Variants in GTF3C1 observed in about 807,000 individuals in gnomAD.
The protein encoded by GTF3C1 is general transcription factor 3C polypeptide 1.
GTF3C1 carries 57 observed loss-of-function variants against 226.7 expected under a neutral mutation model. The ratio of observed to expected loss-of-function variants is 0.25; its 90% CI spans 0.20 to 0.31. The LOEUF is 0.31. Among genes scored for constraint, GTF3C1 ranks in the 10% least tolerant of loss-of-function variants. The pLI, the probability that GTF3C1 is intolerant of heterozygous loss-of-function variation, is 1.00. For missense variants in GTF3C1, 2,217 were observed against 2,776.1 expected, an observed-to-expected ratio of 0.80 and a Z score of 4.53; for synonymous variants, 1,090 against 1,084.8, an observed-to-expected ratio of 1.00 and a Z score of -0.09.
intron 1 of GTF3C1, among the ~76,000 whole-genome samples, chr16:27,546,966 G>A (rs144611448): frequency 2.7e-4 from 41 of 151,710 alleles, no homozygotes; most frequent in African/African-American, 7.7e-4. Context: ...AGGGTTTCAC[G>A]ATGTTGGCCA....
intron 27 of GTF3C1, 104 bp from the exon 28 acceptor site, chr16:27,478,635 T>C: frequency 1.2e-6 from 1 of 821,084 alleles, no homozygotes; most frequent in African/African-American, 1.7e-5. Flanking sequence ...GTGTTGGGAG[T>C]GGGAGAAATG....
rs200654354 is a variant in GTF3C1 at position 27,464,783 on chromosome 16, C to T, written c.5409G>A (p.Leu1803=). Residue 1803 remains leucine, a synonymous_variant, in exon 34 of 37, where the codon CTG becomes CTA. Transcript: ENST00000356183. ...VLEVGGNTAR[L]VAMGSAWPWL... ...AAGGCCAGGCAGAGCCCATGGCTAC[C>T]AGGCGCGCAGTGTTGCCACCGACCT... is the stretch of plus-strand genomic sequence containing the variant. 21 of 1,543,946 alleles carry T rather than the reference C, an allele frequency of 1.4e-5. No homozygotes were observed. In the East Asian group the frequency reaches 3.8e-4, roughly 28 times the overall value.
At chr16:27,532,542 C>T (rs969393769) in intron 5 of GTF3C1, among the ~76,000 whole-genome samples, 13 of 152,170 alleles carry the variant, frequency 8.5e-5, no homozygotes, top group African/African-American at 2.2e-4. Context: ...AGCTCCCCTC[C>T]GCCTTTCTCC....
intron 12 of GTF3C1, among the ~76,000 whole-genome samples, chr16:27,500,835 C>T (rs949070802): frequency 6.6e-6 from 1 of 152,208 alleles, no homozygotes; most frequent in East Asian, 1.9e-4. Context: ...CTCAGCTCTC[C>T]GAGGAAAGCA....
intron 6 of GTF3C1, 43 bp downstream of exon 6, chr16:27,528,555 G>C (rs1167131106): frequency 2.6e-6 from 4 of 1,544,588 alleles, no homozygotes; most frequent in African/African-American, 2.7e-5. Flanking sequence ...ACAGAAGTGA[G>C]AGCCAGCCAG....
At chr16:27,497,582 T>G (rs1018315340) in intron 14 of GTF3C1, 55 bp downstream of exon 14, 1 of 1,443,748 alleles carries the variant, frequency 6.9e-7, no homozygotes, top group African/African-American at 1.4e-5. Flanking sequence ...TCAAACATTG[T>G]CATACAAACA....
intron 6 of GTF3C1, among the ~76,000 whole-genome samples, chr16:27,526,656 C>A (rs541360555): frequency 6.6e-6 from 1 of 152,240 alleles, no homozygotes; most frequent in Admixed American, 6.5e-5. Flanking sequence ...GTCAGTCAGT[C>A]GCCATTTGCC....
At chr16:27,549,631 G>GCCCCCCC in intron 1 of GTF3C1, 39 bp downstream of exon 1, 1 of 691,948 alleles carries the variant, frequency 1.4e-6, no homozygotes, top group South Asian at 1.7e-5. Flanking sequence ...CGGGCCCTGC[G>GCCCCCCC]CCCGCCCGCC....
intron 6 of GTF3C1, among the ~76,000 whole-genome samples, chr16:27,527,921 C>G: frequency 6.6e-6 from 1 of 151,316 alleles, no homozygotes; most frequent in Non-Finnish European, 1.5e-5. Context: ...TTTCAGTGAG[C>G]TGAGATGATG....
intron 3 of GTF3C1, 71 bp from the exon 4 acceptor site, chr16:27,537,998 G>A: frequency 5.3e-6 from 8 of 1,508,480 alleles, no homozygotes; most frequent in Non-Finnish European, 6.3e-6. Flanking sequence ...CTCTCACTTG[G>A]ACATAAACAC....
At chr16:27,510,916 T>C (rs373948278) in intron 7 of GTF3C1, among the ~76,000 whole-genome samples, 1 of 152,254 alleles carries the variant, frequency 6.6e-6, no homozygotes, top group Non-Finnish European at 1.5e-5. Flanking sequence ...CTTTGAATAA[T>C]AATAGTAATA....
chr16:27,521,981 T>C (rs1038732486), intron 6 of GTF3C1, among the ~76,000 whole-genome samples: 12 of 152,368 alleles, frequency 7.9e-5, no homozygotes, highest in Admixed American at 6.5e-4. Flanking sequence ...ATTTCTTTTC[T>C]CTTAGCTTGT....
chr16:27,529,207 G>A (rs567447929), intron 5 of GTF3C1, among the ~76,000 whole-genome samples: 2 of 152,282 alleles, frequency 1.3e-5, no homozygotes, highest in Admixed American at 6.5e-5. Context: ...ACTTTGGGAG[G>A]CCGAGGCGGG....
rs769617537 is a variant in GTF3C1, at chr16:27,464,587, C to T, written c.5605G>A (p.Glu1869Lys). Residue 1869 changes from glutamate to lysine, a missense_variant, in exon 34 of 37, where the codon GAG (glutamate) becomes AAG (lysine). This residue lies in a region of GTF3C1 where 455 missense variants were observed against 441.9 expected (regional missense o/e 1.03). Coordinates refer to ENST00000356183, the MANE Select transcript of GTF3C1 (RefSeq NM_001520.4). ...CCCTCGGCGTCGGTCTCCCCATTCT[C>T]ACTGGCCCAGCTGGCGCGCCTCTTG... ...GTKRRASWAS[E>K]NGETDAEGTQ... The T allele has an allele frequency of 6.7e-7, 1 of 1,492,718 alleles. No homozygotes were observed. The highest frequency in any genetic ancestry group is 8.9e-7 in the Non-Finnish European group (1 of 1,120,672). The allele number at this position is 1,492,718 out of a possible 1,614,324, so 92.5% of individuals were successfully genotyped here.
intron 1 of GTF3C1, among the ~76,000 whole-genome samples, chr16:27,547,729 T>C (rs2089185738): frequency 6.6e-6 from 1 of 152,082 alleles, no homozygotes; most frequent in South Asian, 2.1e-4. Context: ...AGTGGCACAA[T>C]CTCGGCTCAC....
Position 27,492,359 on chromosome 16 carries a change from C to T in GTF3C1, c.3130G>A (p.Val1044Ile), listed in dbSNP as rs779446883. ...VENYWFDLQC[V>I]CLNTPLGVVR... ...CCACCTAGTGGGGTGTTGAGGCAGA[C>T]GCACTGCAGGTCAAACCAGTAGTTT... The change falls in exon 19 of 37, where the codon GTC becomes ATC. Residue 1044 changes from valine (V) to isoleucine (I), a missense_variant. Val to Ile is a conservative substitution (Grantham distance 29). This residue lies in a region of GTF3C1 where 353 missense variants were observed against 411.7 expected (regional missense o/e 0.86). Transcript: ENST00000356183. The surrounding 1 kb of genome is among the most constrained non-coding windows in gnomAD (Gnocchi z 5.0). 15 of 1,603,070 alleles carry T rather than the reference C, an allele frequency of 9.4e-6. No individual in the cohort carries two copies. Among genetic ancestry groups the T allele is most frequent in the East Asian group, 4.5e-5 (2 of 44,776 alleles).
chr16:27,501,528 G>C (rs956406721), intron 11 of GTF3C1, among the ~76,000 whole-genome samples, 184 bp from the exon 12 acceptor site: 9 of 152,182 alleles, frequency 5.9e-5, no homozygotes, highest in Non-Finnish European at 1.0e-4. Flanking sequence ...TGTGGCAAAT[G>C]TATCAGGTAA....
At chr16:27,518,133 A>G (rs1028480944) in intron 6 of GTF3C1, among the ~76,000 whole-genome samples, 1 of 152,156 alleles carries the variant, frequency 6.6e-6, no homozygotes, top group Admixed American at 6.5e-5. Flanking sequence ...TCCTACTGGT[A>G]AGCCAGGCAG....
chr16:27,501,229 A>G lies in GTF3C1; in HGVS notation c.2023T>C (p.Tyr675His). 1 of 1,614,134 alleles carries G rather than the reference A, an allele frequency of 6.2e-7. No homozygotes were observed. The change falls in exon 12 of 37, where the codon TAT becomes CAT. Residue 675 changes from tyrosine (Y) to histidine (H), a missense_variant. Physicochemically the swap from Tyr to His is moderately conservative, Grantham distance 83 (BLOSUM62 2). This residue lies in a region of GTF3C1 where 52 missense variants were observed against 110.8 expected (regional missense o/e 0.47). Transcript: ENST00000356183. ...NLSEEGLLRL[Y>H]RTTVIQDGIK... ...CCATCTTGAATGACAGTGGTCCGATACAATCGCAAGAGACCTTCCTCAGAC... is the reference window on the plus strand; with the variant it reads ...CCATCTTGAATGACAGTGGTCCGATGCAATCGCAAGAGACCTTCCTCAGAC...
Sources: gnomAD v4.1 joint callset for allele counts (sites outside exome capture counted in the v4.1 genomes callset) on GRCh38, gnomAD v4.1.1 for gene constraint, gnomAD v4.1.1 regional missense constraint, Gnocchi (gnomAD v3.1) non-coding constraint, MANE v1.5 for transcripts, NCBI Gene and HGNC (gene_info 2026-07-23, HGNC 2026-07-21) for gene names.